TTLL6: variants seen among roughly 807,000 people sequenced by gnomAD.
The protein encoded by TTLL6 is tubulin tyrosine ligase like 6, also known as tubulin polyglutamylase TTLL6.
In TTLL6, 75 loss-of-function variants were observed where a neutral mutation model predicts 96.4. The observed-to-expected ratio is 0.78, with a 90% CI of 0.65 to 0.94. The LOEUF is 0.94. TTLL6 is among the 40% of genes least tolerant of loss of function. The pLI, the probability that TTLL6 is intolerant of heterozygous loss-of-function variation, is 0.00. For missense variants in TTLL6, 1,030 were observed against 1,093.0 expected (o/e 0.94, Z 0.81); for synonymous variants, 411 against 419.4 (o/e 0.98, Z 0.24).
In TTLL6 at chr17:48,769,937, T is replaced by A; in HGVS notation, c.2201A>T (p.His734Leu). 6.2e-7 allele frequency: 1 copy of A among 1,614,134 alleles called. No individual in the cohort carries two copies. The highest frequency in any genetic ancestry group is 1.1e-5 in the South Asian group (1 of 91,080). ...FKCKKQQTPP[H>L]LTQKKMLKSF... Reference sequence around the variant, plus strand: ...TTTTAACATTTTCTTCTGGGTTAAGTGTGGAGGGGTCTGCTGCTTCTTGCA... The same window carrying A: ...TTTTAACATTTTCTTCTGGGTTAAGAGTGGAGGGGTCTGCTGCTTCTTGCA... Residue 734 changes from histidine to leucine, a missense_variant, in exon 14 of 16, where the codon CAC becomes CTC. His to Leu is a moderately conservative substitution (Grantham distance 99). Transcript: ENST00000393382.
intron 10 of TTLL6, 56 bp from the exon 11 acceptor site, chr17:48,788,055 A>T: frequency 6.4e-7 from 1 of 1,563,794 alleles, no homozygotes. Flanking sequence ...CAAAGCCTGG[A>T]AGGGATATGT....
chr17:48,787,859 G>A lies in TTLL6; in HGVS notation c.1541C>T (p.Ser514Phe). 1 of 1,614,208 alleles carries A rather than the reference G, an allele frequency of 6.2e-7. No homozygotes were observed. Among genetic ancestry groups the A allele is most frequent in the South Asian group, 1.1e-5 (1 of 91,074 alleles). ...KYEKFFQDNN[S>F]LFQNTVASRA... ...GGAAGCAACAGTATTCTGGAAGAGG[G>A]AGTTGTTGTCCTGGAAAAACTTCTC... is the stretch of plus-strand genomic sequence containing the variant. Residue 514 changes from serine (S) to phenylalanine (F), a missense_variant, in exon 11 of 16, where the codon TCC becomes TTC. Transcript: ENST00000393382.
chr17:48,817,136 A>G lies in TTLL6; in HGVS notation c.-64T>C. 2 of 1,276,712 alleles carry G rather than the reference A, an allele frequency of 1.6e-6. No individual in the cohort carries two copies. The highest frequency in any genetic ancestry group is 2.2e-6 in the Non-Finnish European group (2 of 929,250). 79.1% of individuals were successfully genotyped at this position (1,276,712 alleles called of 1,614,324 possible). ...CTAACTTTGGGTCCGCCCGGCCCTC[A>G]TATTTGCATACGGGGCCTTCTAGGC... On this transcript the variant is annotated 5_prime_UTR_variant, in exon 1 of 16. It removes an upstream start codon present in the reference 5' UTR. Transcript: ENST00000393382.
chr17:48,797,207 G>A lies in TTLL6; in HGVS notation c.769-3C>T. The A allele has an allele frequency of 1.3e-6, 2 of 1,547,246 alleles. No individual in the cohort carries two copies. The highest frequency in any genetic ancestry group is 1.4e-5 in the African/African-American group (1 of 73,000). On this transcript the variant is annotated splice_region_variant and splice_polypyrimidine_tract_variant and intron_variant, in intron 6 of 15. Transcript: ENST00000393382. ...TTAAACCCATCAATGATAAAGGGCT[G>A]GAAGGAGAGAACAGAAGTCAGACAT... is the stretch of plus-strand genomic sequence containing the variant.
Position 48,801,376 on chromosome 17 carries a change from G to A in TTLL6, c.490C>T (p.His164Tyr), listed in dbSNP as rs1292601991. The A allele has an allele frequency of 6.4e-7, 1 of 1,551,664 alleles. No homozygotes were observed. Among genetic ancestry groups the A allele is most frequent in the East Asian group, 2.4e-5 (1 of 40,928 alleles). Residue 164 changes from histidine to tyrosine, a missense_variant, in exon 5 of 16, where the codon CAC (histidine) becomes TAC (tyrosine). His to Tyr is a moderately conservative substitution (Grantham distance 83). Transcript: ENST00000393382. ...MEMKSYQKIN[H>Y]FPGMSEICRK... is the part of the protein sequence containing the mutation. ...CAGATTTCACTCATCCCGGGGAAGT[G>A]ATTGATCTTCTGGAAGGGAAGCCGG... is the stretch of plus-strand genomic sequence containing the variant.
chr17:48,764,029 A>G (rs1488784459), intron 15 of TTLL6, among the ~76,000 whole-genome samples: 2 of 151,810 alleles, frequency 1.3e-5, no homozygotes, highest in African/African-American at 4.8e-5. Flanking sequence ...TCAGCTACTC[A>G]GGAGGCAGAA....
chr17:48,781,356 A>G (rs1322621178), intron 13 of TTLL6, among the ~76,000 whole-genome samples: 1 of 151,960 alleles, frequency 6.6e-6, no homozygotes, highest in Non-Finnish European at 1.5e-5. Flanking sequence ...CCTATTTTCA[A>G]TTTTTGGAGG....
intron 10 of TTLL6, 150 bp downstream of exon 10, chr17:48,789,781 T>C: frequency 1.4e-6 from 1 of 725,506 alleles, no homozygotes. Context: ...GGTCTCGAAC[T>C]CCTGACCTCA....
At chr17:48,763,920 C>T (rs776977406) in intron 15 of TTLL6, among the ~76,000 whole-genome samples, 3 of 152,010 alleles carry the variant, frequency 2.0e-5, no homozygotes, top group Non-Finnish European at 2.9e-5. Context: ...GCTGAGATCG[C>T]GCCACTGCAC....
intron 1 of TTLL6, chr17:48,815,932 A>C (rs2039661980): frequency 6.6e-6 from 1 of 152,212 alleles, no homozygotes; most frequent in South Asian, 2.1e-4. Context: ...ATTGCTAACA[A>C]AGACAGATGG....
intron 7 of TTLL6, 119 bp downstream of exon 7, chr17:48,796,942 A>T: frequency 8.3e-7 from 1 of 1,198,566 alleles, no homozygotes. Context: ...AACCCGGCAC[A>T]TAGCAAGTGC....
At chr17:48,796,245 G>A in intron 7 of TTLL6, 99 bp from the exon 8 acceptor site, 2 of 904,946 alleles carry the variant, frequency 2.2e-6, no homozygotes, top group South Asian at 1.6e-5. Flanking sequence ...TGAAGGGATG[G>A]AAAGAAAGGG....
intron 8 of TTLL6, chr17:48,794,259 C>T (rs916649917): frequency 6.2e-7 from 1 of 1,613,828 alleles, no homozygotes; most frequent in Non-Finnish European, 8.5e-7. Context: ...CCAGGGCCTG[C>T]TGTTGGGGTG....
chr17:48,796,003 C>T, intron 8 of TTLL6, 58 bp downstream of exon 8: 2 of 1,414,832 alleles, frequency 1.4e-6, no homozygotes, highest in Non-Finnish European at 2.0e-6. Context: ...GGTAGAATCC[C>T]AGAAAGCAGT....
At chr17:48,778,621 C>A (rs975680069) in intron 13 of TTLL6, among the ~76,000 whole-genome samples, 1 of 141,260 alleles carries the variant, frequency 7.1e-6, no homozygotes. Flanking sequence ...CAAAGCAAGA[C>A]TCAGTCTCTT....
intron 9 of TTLL6, among the ~76,000 whole-genome samples, chr17:48,790,908 G>T (rs556550682): frequency 6.6e-6 from 1 of 152,178 alleles, no homozygotes; most frequent in South Asian, 2.1e-4. Context: ...GGGTCTAGGG[G>T]AGGCAGGAAA....
chr17:48,801,460 T>G, intron 4 of TTLL6, 65 bp downstream of exon 4: 5 of 1,550,710 alleles, frequency 3.2e-6, no homozygotes, highest in Non-Finnish European at 8.7e-7. Context: ...GAGACAGGTG[T>G]AAAAATGGGG....
At chr17:48,799,239 A>G (rs766194736) in intron 6 of TTLL6, among the ~76,000 whole-genome samples, 3 of 152,180 alleles carry the variant, frequency 2.0e-5, no homozygotes, top group Non-Finnish European at 4.4e-5. Flanking sequence ...CCCTCCCCAC[A>G]GTGGGCTGTG....
rs753907659 is a variant in TTLL6, at chr17:48,791,531, C to A, written c.1071G>T (p.Glu357Asp). Reference sequence around the variant, plus strand: ...AGATGAGGGTCTTGATGATGACGTCCTCAATATCCCTCCATATCTGCTCCA... The same window carrying A: ...AGATGAGGGTCTTGATGATGACGTCATCAATATCCCTCCATATCTGCTCCA... ...YNVEQIWRDI[E>D]DVIIKTLISA... Residue 357 changes from glutamate (E) to aspartate (D), a missense_variant, in exon 9 of 16, where the codon GAG becomes GAT. Glu to Asp is a conservative substitution (Grantham distance 45). Transcript: ENST00000393382. 3.1e-5 allele frequency: 50 copies of A among 1,614,040 alleles called. No individual in the cohort carries two copies. The highest frequency in any genetic ancestry group is 3.9e-5 in the Non-Finnish European group (46 of 1,180,046).
Sources: gnomAD v4.1 joint callset for allele counts (sites outside exome capture counted in the v4.1 genomes callset) on GRCh38, gnomAD v4.1.1 for gene constraint, MANE v1.5 for transcripts, NCBI Gene and HGNC (gene_info 2026-07-23, HGNC 2026-07-21) for gene names.